EPS15L1: variants seen among roughly 807,000 people sequenced by gnomAD.
EPS15L1 encodes the protein epidermal growth factor receptor pathway substrate 15 like 1, also known as epidermal growth factor receptor substrate 15-like 1.
A neutral mutation model predicts 117.1 loss-of-function variants in EPS15L1; 43 were observed. The ratio of observed to expected loss-of-function variants is 0.37; its 90% CI spans 0.29 to 0.47. EPS15L1 has a LOEUF of 0.47. Ranked by LOEUF, EPS15L1 falls within the 20% of genes least tolerant of loss-of-function variation. The pLI is 0.99. For synonymous variants in EPS15L1, 459 were observed against 470.5 expected (o/e 0.98, Z 0.32); for missense variants, 981 against 1,164.0 (o/e 0.84, Z 2.29).
At chr19:16,442,450 T>G (rs1440661334) in intron 1 of EPS15L1, among the ~76,000 whole-genome samples, 1 of 152,164 alleles carries the variant, frequency 6.6e-6, no homozygotes, top group African/African-American at 2.4e-5. Context: ...TAAATCCTGA[T>G]TCTAGGGCAA....
intron 1 of EPS15L1, among the ~76,000 whole-genome samples, chr19:16,446,265 C>T (rs2093082427): frequency 6.6e-6 from 1 of 152,140 alleles, no homozygotes; most frequent in Non-Finnish European, 1.5e-5. Flanking sequence ...TCTAACGACT[C>T]CTAAGCAGGG....
chr19:16,390,633 C>T (rs1014792227), intron 19 of EPS15L1, among the ~76,000 whole-genome samples: 3 of 152,074 alleles, frequency 2.0e-5, no homozygotes, highest in East Asian at 3.8e-4. Context: ...TGAAAACATA[C>T]AGAATATGTT....
intron 22 of EPS15L1, among the ~76,000 whole-genome samples, chr19:16,362,568 G>A (rs2092072611): frequency 6.9e-6 from 1 of 145,000 alleles, no homozygotes; most frequent in Non-Finnish European, 1.5e-5. Context: ...CTGTCACCTG[G>A]GCTGAAATGC....
Position 16,367,670 on chromosome 19 carries a change from A to G in EPS15L1, c.2381-5686T>C, listed in dbSNP as rs537724198. Among the ~76,000 whole-genome samples the G allele has an allele frequency of 4.3e-4, 65 of 151,578 alleles. 1 individual carries two copies. The South Asian group carries it at 0.013, about 31-fold the overall frequency. On this transcript the variant is annotated intron_variant, in intron 22 of 23. Transcript: ENST00000455140. Reference sequence around the variant, plus strand: ...GCTGCACTAGCGTTCTTGGTCAGCAAAGTTTTTCAAGGTTCTGACTTTTCT... The same window carrying G: ...GCTGCACTAGCGTTCTTGGTCAGCAGAGTTTTTCAAGGTTCTGACTTTTCT...
rs543202887 is a variant in EPS15L1, at chr19:16,414,703, T to C, written c.1194-858A>G. Among the ~76,000 whole-genome samples, 6 of 150,792 alleles carry C rather than the reference T, an allele frequency of 4.0e-5. No individual in the cohort carries two copies. In the East Asian group the frequency reaches 1.2e-3, roughly 29 times the overall value. On this transcript the variant is annotated intron_variant, in intron 12 of 23. Coordinates refer to ENST00000455140, the MANE Select transcript of EPS15L1 (RefSeq NM_001258374.3). ...CGTGAGCCAACACGCCTGGCCTTTTTTTGGTTTTGTTTTTTTTTTTTTTTG... is the reference window on the plus strand; with the variant it reads ...CGTGAGCCAACACGCCTGGCCTTTTCTTGGTTTTGTTTTTTTTTTTTTTTG...
At chr19:16,385,371 C>T (rs1027383187) in intron 20 of EPS15L1, among the ~76,000 whole-genome samples, 160 bp from the exon 21 acceptor site, 6 of 152,152 alleles carry the variant, frequency 3.9e-5, no homozygotes, top group African/African-American at 1.4e-4. Flanking sequence ...TCAGCAAGGC[C>T]CCCCTGCCCA....
chr19:16,362,438 C>T (rs1028101394), intron 22 of EPS15L1, among the ~76,000 whole-genome samples: 1 of 145,866 alleles, frequency 6.9e-6, no homozygotes, highest in Non-Finnish European at 1.5e-5. Context: ...ATTAGTTTCA[C>T]AACGTGGTAT....
chr19:16,373,384 T>C (rs2092252181), intron 22 of EPS15L1, among the ~76,000 whole-genome samples: 1 of 151,856 alleles, frequency 6.6e-6, no homozygotes, highest in East Asian at 1.9e-4. Context: ...AGAAAAAGCC[T>C]GGGGTAGCAA....
intron 1 of EPS15L1, among the ~76,000 whole-genome samples, chr19:16,460,267 G>C (rs977051981): frequency 6.6e-6 from 1 of 152,244 alleles, no homozygotes; most frequent in African/African-American, 2.4e-5. Context: ...CTGGGCGACA[G>C]AGCCTGTCTC....
chr19:16,457,411 C>A (rs1430078759), intron 1 of EPS15L1, among the ~76,000 whole-genome samples: 1 of 152,168 alleles, frequency 6.6e-6, no homozygotes, highest in Admixed American at 6.5e-5. Context: ...GGCCCCCCCT[C>A]CATGGCTGAG....
intron 13 of EPS15L1, chr19:16,412,786 A>C (rs926520596): frequency 3.2e-5 from 13 of 409,692 alleles, no homozygotes; most frequent in Non-Finnish European, 5.1e-5. Flanking sequence ...CAGCAGTGGC[A>C]TCTGGGGCTG....
intron 1 of EPS15L1, among the ~76,000 whole-genome samples, chr19:16,464,194 G>A (rs2093279048): frequency 6.6e-6 from 1 of 152,230 alleles, no homozygotes; most frequent in African/African-American, 2.4e-5. Context: ...GGAAATCCGA[G>A]ACAAATGTCT....
At chr19:16,414,392 T>C (rs1269319288) in intron 12 of EPS15L1, among the ~76,000 whole-genome samples, 1 of 152,046 alleles carries the variant, frequency 6.6e-6, no homozygotes. Context: ...CAGGACAGCC[T>C]GTCTGAACTA....
chr19:16,361,758 G>T (rs375185884), intron 23 of EPS15L1, 21 bp downstream of exon 23: 8 of 1,605,416 alleles, frequency 5.0e-6, no homozygotes, highest in Non-Finnish European at 6.8e-6. Flanking sequence ...GGGTGGCCCG[G>T]AGGCGGAGGA....
At chr19:16,466,818 G>A (rs533214349) in intron 1 of EPS15L1, among the ~76,000 whole-genome samples, 50 of 151,602 alleles carry the variant, frequency 3.3e-4, no homozygotes, top group African/African-American at 7.3e-4. Flanking sequence ...CAGGAGAATC[G>A]CTTGAATCCA....
intron 1 of EPS15L1, among the ~76,000 whole-genome samples, chr19:16,464,945 G>A (rs974926907): frequency 1.3e-5 from 2 of 152,090 alleles, no homozygotes; most frequent in Admixed American, 1.3e-4. Flanking sequence ...CAGGTGTGGT[G>A]GCGGGTGCCT....
intron 1 of EPS15L1, among the ~76,000 whole-genome samples, chr19:16,470,927 A>G (rs893587721): frequency 2.0e-5 from 3 of 152,130 alleles, no homozygotes; most frequent in Admixed American, 1.3e-4. Flanking sequence ...TTATATCTCC[A>G]TTTTCCAAAG....
rs369548061 is a variant in EPS15L1 at position 16,355,620 on chromosome 19, GGTGT to G, written c.*81_*84del. On this transcript the variant is annotated 3_prime_UTR_variant, in exon 24 of 24. Coordinates refer to ENST00000455140, the MANE Select transcript of EPS15L1 (RefSeq NM_001258374.3). Reference sequence around the variant, plus strand: ...CCGGTCCTTGGAGTACGGTGGCGACGGTGTGTGTGTGTATATATAGACATCTGCA... The same window carrying G: ...CCGGTCCTTGGAGTACGGTGGCGACGGTGTGTGTATATATAGACATCTGCA... The G allele has an allele frequency of 3.5e-5, 49 of 1,404,068 alleles. No homozygotes were observed. The highest frequency in any genetic ancestry group is 4.5e-5 in the Non-Finnish European group (47 of 1,049,032). The allele number at this position is 1,404,068 out of a possible 1,614,324, so 87.0% of individuals were successfully genotyped here.
chr19:16,375,466 ATGTGTG>A (rs3082716), intron 22 of EPS15L1, among the ~76,000 whole-genome samples: 19 of 149,294 alleles, frequency 1.3e-4, no homozygotes, highest in South Asian at 4.3e-4. Context: ...TTATGCATAT[ATGTGTG>A]TGTGTGTGTG....
Sources: allele counts gnomAD v4.1 joint callset (sites outside exome capture counted in the v4.1 genomes callset), GRCh38; gene constraint gnomAD v4.1.1; transcripts MANE v1.5; gene names NCBI Gene and HGNC (gene_info 2026-07-23, HGNC 2026-07-21).